YEATS4: variants seen among roughly 807,000 people sequenced by gnomAD.
YEATS4 encodes the protein YEATS domain-containing protein 4.
In YEATS4, 17 loss-of-function variants were observed where a neutral mutation model predicts 30.1. The ratio of observed to expected loss-of-function variants is 0.56; its 90% confidence interval spans 0.39 to 0.85. The LOEUF (loss-of-function observed/expected upper bound fraction) is 0.85, where lower values mean the gene tolerates loss of function less well. YEATS4 is among the 40% of genes least tolerant of loss of function. The pLI is 0.00. For missense variants in YEATS4, 142 were observed against 268.3 expected, an observed-to-expected ratio of 0.53 and a Z score of 3.29; for synonymous variants, 85 against 87.5, an observed-to-expected ratio of 0.97 and a Z score of 0.16.
the YEATS4 span, among the ~76,000 whole-genome samples, chr12:69,401,756 C>G: frequency 6.6e-6 from 1 of 152,178 alleles, no homozygotes; most frequent in Admixed American, 6.5e-5. Context: ...TCATGCTGTT[C>G]CTTAAATGTA....
chr12:69,359,765 C>G lies in YEATS4; in HGVS notation c.-208C>G. 1.7e-6 allele frequency: 1 copy of G among 583,548 alleles called. No homozygotes were observed. 36.1% of individuals were successfully genotyped at this position (583,548 alleles called of 1,614,324 possible). ...CCCCTCTTTTCGCGGCGTTCTCCAC[C>G]TGCGCGGGCCTGAATGGCCTTCAGG... is the stretch of plus-strand genomic sequence containing the variant. On this transcript the variant is annotated 5_prime_UTR_variant, in exon 1 of 7. Coordinates refer to ENST00000247843, the MANE Select transcript of YEATS4 (RefSeq NM_006530.4).
intron 2 of YEATS4, among the ~76,000 whole-genome samples, chr12:69,363,154 G>C (rs995541396): frequency 1.3e-5 from 2 of 151,490 alleles, no homozygotes; most frequent in South Asian, 4.2e-4. Context: ...CACCACGCCC[G>C]GCTAATTTTT....
In YEATS4 at chr12:69,365,710, G is replaced by C. The variant is rs1875401273; in HGVS notation, c.238+11G>C. The C allele has an allele frequency of 6.2e-7, 1 of 1,607,754 alleles. No individual in the cohort carries two copies. The highest frequency in any genetic ancestry group is 1.3e-5 in the African/African-American group (1 of 74,610). On this transcript the variant is annotated intron_variant, in intron 3 of 6. Coordinates refer to ENST00000247843, the MANE Select transcript of YEATS4 (RefSeq NM_006530.4). ...GCAATCCTTTAAGAGGTACAATATAGTCTTTTGATTCACAATATCCAAAGT... is the reference window on the plus strand; with the variant it reads ...GCAATCCTTTAAGAGGTACAATATACTCTTTTGATTCACAATATCCAAAGT...
intron 1 of YEATS4, among the ~76,000 whole-genome samples, chr12:69,360,556 G>A (rs1292673042): frequency 6.6e-6 from 1 of 152,170 alleles, no homozygotes; most frequent in African/African-American, 2.4e-5. Flanking sequence ...GGCACATGGG[G>A]AACATTCAGT....
the YEATS4 span, among the ~76,000 whole-genome samples, chr12:69,405,578 A>G: frequency 6.6e-6 from 1 of 152,210 alleles, no homozygotes; most frequent in African/African-American, 2.4e-5. Context: ...AAGTAAAATA[A>G]GGGTTACTTT....
At chr12:69,376,947 G>C (rs1875897109) in intron 6 of YEATS4, among the ~76,000 whole-genome samples, 1 of 152,100 alleles carries the variant, frequency 6.6e-6, no homozygotes, top group Non-Finnish European at 1.5e-5. Context: ...TATGTGTCTA[G>C]GAATTTATCC....
chr12:69,362,009 G>GGTT (rs1221863071), intron 1 of YEATS4, among the ~76,000 whole-genome samples: 1 of 87,984 alleles, frequency 1.1e-5, no homozygotes, highest in African/African-American at 4.6e-5. Flanking sequence ...TAGGGTGTTT[G>GGTT]GTTGTTTTTT....
the YEATS4 span, among the ~76,000 whole-genome samples, chr12:69,420,411 GA>G: frequency 3.2e-4 from 48 of 151,612 alleles, no homozygotes; most frequent in South Asian, 2.8e-3. Flanking sequence ...TGGTTAGGGG[GA>G]GGGGGACAGA....
chr12:69,412,264 C>T, the YEATS4 span, among the ~76,000 whole-genome samples: 2 of 152,178 alleles, frequency 1.3e-5, no homozygotes, highest in African/African-American at 4.8e-5. Context: ...GGAAGGTTCC[C>T]TGCAGGTCAG....
chr12:69,394,614 AGT>A (rs1247907991), downstream of YEATS4, among the ~76,000 whole-genome samples: 4 of 140,088 alleles, frequency 2.9e-5, no homozygotes, highest in East Asian at 1.9e-4. Flanking sequence ...AGATGGAGAT[AGT>A]GTGTTTGTTT....
At chr12:69,368,576 G>GT (rs1210557112) in intron 4 of YEATS4, among the ~76,000 whole-genome samples, 1 of 152,152 alleles carries the variant, frequency 6.6e-6, no homozygotes, top group Non-Finnish European at 1.5e-5. Flanking sequence ...TGAAATAAGT[G>GT]TAAGTCTTCT....
intron 4 of YEATS4, among the ~76,000 whole-genome samples, chr12:69,370,301 C>T (rs755663041): frequency 8.5e-5 from 13 of 152,160 alleles, no homozygotes; most frequent in Non-Finnish European, 1.2e-4. Flanking sequence ...ATCTTGCCCT[C>T]ACTGAACTTT....
At chr12:69,422,311 G>T in the YEATS4 span, among the ~76,000 whole-genome samples, 1 of 152,088 alleles carries the variant, frequency 6.6e-6, no homozygotes, top group Admixed American at 6.5e-5. Context: ...GCTCTCTCAG[G>T]TCCTCACTTC....
intron 6 of YEATS4, among the ~76,000 whole-genome samples, chr12:69,384,971 C>T (rs1339362715): frequency 6.6e-6 from 1 of 152,014 alleles, no homozygotes; most frequent in East Asian, 1.9e-4. Context: ...GCAAACCAAA[C>T]AGTAGTGAAT....
At chr12:69,373,726 A>G (rs1875735405) in intron 6 of YEATS4, among the ~76,000 whole-genome samples, 1 of 152,122 alleles carries the variant, frequency 6.6e-6, no homozygotes, top group African/African-American at 2.4e-5. Context: ...GAGTTTCCCC[A>G]ATGTTTTCTT....
chr12:69,389,880 A>G (rs1868296729), intron 6 of YEATS4, among the ~76,000 whole-genome samples: 2 of 152,138 alleles, frequency 1.3e-5, no homozygotes, highest in African/African-American at 4.8e-5. Flanking sequence ...TGTGTATGGA[A>G]AAAAGGACAT....
the YEATS4 span, among the ~76,000 whole-genome samples, chr12:69,397,461 G>T: frequency 1.3e-3 from 197 of 152,246 alleles, 2 homozygotes; most frequent in East Asian, 0.034. Context: ...ATGGGGGCTG[G>T]TTTTTCCTGT....
At chr12:69,386,326 G>A (rs1388419557) in intron 6 of YEATS4, among the ~76,000 whole-genome samples, 1 of 152,228 alleles carries the variant, frequency 6.6e-6, no homozygotes, top group Non-Finnish European at 1.5e-5. Flanking sequence ...GAGTTAATCA[G>A]GTCTCCCTGG....
the YEATS4 span, among the ~76,000 whole-genome samples, chr12:69,421,017 G>A: frequency 6.6e-6 from 1 of 152,126 alleles, no homozygotes; most frequent in African/African-American, 2.4e-5. Context: ...CTAGGGATAT[G>A]CCACATTTTG....
Sources: allele counts gnomAD v4.1 joint callset (sites outside exome capture counted in the v4.1 genomes callset), GRCh38; gene constraint gnomAD v4.1.1; transcripts MANE v1.5; gene names NCBI Gene and HGNC (gene_info 2026-07-23, HGNC 2026-07-21).